AGAP4: variants seen among roughly 807,000 people sequenced by gnomAD.
The protein encoded by AGAP4 is ArfGAP with GTPase domain, ankyrin repeat and PH domain 4.
A neutral mutation model predicts 60.7 loss-of-function variants in AGAP4; 13 were observed. The ratio of observed to expected loss-of-function variants is 0.21; its 90% CI spans 0.14 to 0.34. AGAP4 has a LOEUF of 0.34. Among genes scored for constraint, AGAP4 ranks in the 10% least tolerant of loss-of-function variants. The pLI is 1.00. For missense variants in AGAP4, 169 were observed against 884.0 expected, an observed-to-expected ratio of 0.19 and a Z score of 10.26; for synonymous variants, 70 against 339.0, an observed-to-expected ratio of 0.21 and a Z score of 8.72.
At chr10:45,843,805 T>TAAAACTAAAAACCTAAAACTAAAAC (rs2058957957) in intron 3 of AGAP4, among the ~76,000 whole-genome samples, 1 of 148,276 alleles carries the variant, frequency 6.7e-6, no homozygotes, top group Non-Finnish European at 1.5e-5. Context: ...AATGAAAAAG[T>TAAAACTAAAAACCTAAAACTAAAAC]TAATAACCTA....
At chr10:45,851,278 C>G (rs1341855041), upstream of AGAP4, among the ~76,000 whole-genome samples, 2,685 of 151,928 alleles carry the variant, frequency 0.018, 40 homozygotes, top group Non-Finnish European at 0.024. Context: ...AGCACTGAGA[C>G]TCAAGAGACC....
intron 7 of AGAP4, 39 bp from the exon 8 acceptor site, chr10:45,827,429 G>C: frequency 6.8e-7 from 1 of 1,462,020 alleles, no homozygotes; most frequent in Non-Finnish European, 9.3e-7. Context: ...CAAAAATTGG[G>C]TAGTGGCTTG....
At chr10:45,839,950 A>T (rs1159382638) in intron 4 of AGAP4, among the ~76,000 whole-genome samples, 1 of 150,384 alleles carries the variant, frequency 6.6e-6, no homozygotes, top group African/African-American at 2.5e-5. Context: ...AAAAAATACA[A>T]GGGGAAAAAT....
upstream of AGAP4, chr10:45,847,553 A>T: frequency 6.9e-7 from 1 of 1,446,596 alleles, no homozygotes; most frequent in Non-Finnish European, 9.0e-7. Context: ...CAAGGCCCGC[A>T]CCCTGCTGCC....
In AGAP4 at chr10:45,831,398, G is replaced by A. The variant is rs1390865371; in HGVS notation, c.529C>T (p.Gln177Ter). Reference sequence around the variant, plus strand: ...ACAGGTTTCTAAAAAGCTCACCTTTGTGTGATATGATGAGGTATCTCCAAG... The same window carrying A: ...ACAGGTTTCTAAAAAGCTCACCTTTATGTGATATGATGAGGTATCTCCAAG... ...VTLEIPHHIT[Q>*]RDADRSLSIP... Residue 177 changes from glutamine (Q) to a stop codon, truncating the protein, a stop_gained, in exon 6 of 8, where the codon CAA becomes TAA. Coordinates refer to ENST00000616763, the MANE Select transcript of AGAP4 (RefSeq NM_001276343.3). LOFTEE classifies it high-confidence loss of function. 4.4e-6 allele frequency: 7 copies of A among 1,586,012 alleles called. 1 individual carries two copies. Among genetic ancestry groups the A allele is most frequent in the Admixed American group, 1.7e-5 (1 of 59,028 alleles).
At chr10:45,853,772 A>T in exon 1 of AGAP4, 1 of 1,287,848 alleles carries the variant, frequency 7.8e-7, no homozygotes, top group South Asian at 1.2e-5. Context: ...TCTCATGGAC[A>T]AAGTTTGTGA....
chr10:45,837,782 G>A (rs1475249714), intron 4 of AGAP4, among the ~76,000 whole-genome samples: 1 of 151,104 alleles, frequency 6.6e-6, no homozygotes, highest in Non-Finnish European at 1.5e-5. Context: ...GATAACATTG[G>A]AAAAACCCGT....
At chr10:45,838,678 C>G (rs1215824261) in intron 4 of AGAP4, among the ~76,000 whole-genome samples, 2 of 151,198 alleles carry the variant, frequency 1.3e-5, no homozygotes, top group African/African-American at 4.9e-5. Flanking sequence ...CTCAAGCGAT[C>G]CTCTGCCTCA....
chr10:45,829,337 T>TG (rs2058694438), intron 6 of AGAP4, among the ~76,000 whole-genome samples: 1 of 146,052 alleles, frequency 6.8e-6, no homozygotes, highest in Non-Finnish European at 1.5e-5. Context: ...AGCGCTTTTT[T>TG]TTTTTTTGTT....
In AGAP4 at chr10:45,846,500, A is replaced by C. The variant is rs1340602446; in HGVS notation, c.292+187T>G. Among the ~76,000 whole-genome samples the C allele has an allele frequency of 1.9e-3, 284 of 151,658 alleles. 2 individuals are homozygous for C. Among genetic ancestry groups the C allele is most frequent in the African/African-American group, 6.7e-3 (276 of 41,136 alleles). ...GAGATTTGGCTACTTTAACAAAGGA[A>C]ACAATTAGGCACTTACCTGGTTCCT... On this transcript the variant is annotated intron_variant, in intron 2 of 7. Transcript: ENST00000616763.
Position 45,834,082 on chromosome 10 carries a change from A to T in AGAP4, c.431T>A (p.Leu144Ter). Residue 144 changes from leucine (L) to a stop codon, truncating the protein, a stop_gained, in exon 5 of 8, where the codon TTG (leucine) becomes TAG (stop). Transcript: ENST00000616763. LOFTEE classifies it high-confidence loss of function. ...GTCATCAAGGAATATTGTCGAACAC[A>T]AGCTGTATTGTTGACTGAAACGCAC... ...STVRFSQQYS[L>*]CSTIFLDDST... is the part of the protein sequence containing the mutation. 1 of 1,569,050 alleles carries T rather than the reference A, an allele frequency of 6.4e-7. No homozygotes were observed. Among genetic ancestry groups the T allele is most frequent in the East Asian group, 2.3e-5 (1 of 43,916 alleles).
At chr10:45,836,311 T>TA (rs1158529248) in intron 4 of AGAP4, among the ~76,000 whole-genome samples, 1 of 152,104 alleles carries the variant, frequency 6.6e-6, no homozygotes, top group Non-Finnish European at 1.5e-5. Context: ...TTCTGGGGTA[T>TA]AACAGAGCTA....
chr10:45,838,080 C>CATAT (rs4042902), intron 4 of AGAP4, among the ~76,000 whole-genome samples: 7 of 146,434 alleles, frequency 4.8e-5, no homozygotes, highest in African/African-American at 1.9e-4. Flanking sequence ...GATATACATA[C>CATAT]ATATATATAT....
At chr10:45,842,490 CACCTCA>C (rs1247619117) in intron 3 of AGAP4, among the ~76,000 whole-genome samples, 2 of 147,498 alleles carry the variant, frequency 1.4e-5, no homozygotes, top group African/African-American at 5.0e-5. Flanking sequence ...GTGATCCACC[CACCTCA>C]ACCTCCCAAA....
At chr10:45,844,273 T>C in intron 3 of AGAP4, 53 bp downstream of exon 3, 1 of 1,592,494 alleles carries the variant, frequency 6.3e-7, no homozygotes, top group Non-Finnish European at 8.5e-7. Context: ...TATAACCTGA[T>C]CAAACAAGAG....
At chr10:45,854,278 G>T (rs2135982562), upstream of AGAP4, 1 of 159,048 alleles carries the variant, frequency 6.3e-6, no homozygotes, top group East Asian at 1.9e-4. Flanking sequence ...TCCACTTTAA[G>T]AGTTTTCCAC....
rs1165291521 is a variant in AGAP4 at position 45,847,418 on chromosome 10, A to G, written c.-71T>C. On this transcript the variant is annotated 5_prime_UTR_variant, in exon 1 of 8. Transcript: ENST00000616763. ...TTTGGCCACGCACTCCCGCTGTCCT[A>G]GGCCGAGGCTATGCTGCACTTGCAG... 1 of 1,544,374 alleles carries G rather than the reference A, an allele frequency of 6.5e-7. No individual in the cohort carries two copies. Among genetic ancestry groups the G allele is most frequent in the Non-Finnish European group, 8.7e-7 (1 of 1,151,712 alleles).
At chr10:45,830,478 T>G (rs1590017223) in intron 6 of AGAP4, among the ~76,000 whole-genome samples, 1 of 99,056 alleles carries the variant, frequency 1.0e-5, no homozygotes, top group East Asian at 2.9e-4. Context: ...CACCAGCTTA[T>G]TGCTTTTTTT....
At chr10:45,846,805 T>C (rs2059006524) in intron 1 of AGAP4, 50 bp from the exon 2 acceptor site, 1 of 682,958 alleles carries the variant, frequency 1.5e-6, no homozygotes, top group Non-Finnish European at 2.4e-6. Flanking sequence ...TTTATAAAAA[T>C]TTATCAACTC....
Sources: gnomAD v4.1 joint callset for allele counts (sites outside exome capture counted in the v4.1 genomes callset) on GRCh38, gnomAD v4.1.1 for gene constraint, MANE v1.5 for transcripts, NCBI Gene and HGNC (gene_info 2026-07-23, HGNC 2026-07-21) for gene names.